L1TD1: variants seen among roughly 807,000 people sequenced by gnomAD.
The protein encoded by L1TD1 is LINE1 type transposase domain containing 1, also known as LINE-1 type transposase domain-containing protein 1.
Under a neutral mutation model 25.7 loss-of-function variants are expected in L1TD1, and 26 were observed. That is an observed-to-expected ratio of 1.01 (90% CI 0.74 to 1.40). The LOEUF is 1.40. L1TD1 is among the 40% of genes most tolerant of loss of function. L1TD1 has a pLI of 0.00. For missense variants in L1TD1, 1,130 were observed against 975.0 expected, an observed-to-expected ratio of 1.16 and a Z score of -2.12; for synonymous variants, 421 against 335.6, an observed-to-expected ratio of 1.25 and a Z score of -2.78.
chr1:62,204,602 C>T (rs1670699775), intron 2 of L1TD1, among the ~76,000 whole-genome samples: 2 of 152,142 alleles, frequency 1.3e-5, no homozygotes, highest in Admixed American at 1.3e-4. Context: ...CAGCGTCTCA[C>T]TATGTTGCCC....
chr1:62,211,510 TAC>T lies in L1TD1; in HGVS notation c.*140_*141del, dbSNP rs1483328678. The T allele has an allele frequency of 7.3e-5, 101 of 1,376,016 alleles. No homozygotes were observed. Among genetic ancestry groups the T allele is most frequent in the Non-Finnish European group, 9.3e-5 (96 of 1,033,036 alleles). The allele number at this position is 1,376,016 out of a possible 1,614,324, so 85.2% of individuals were successfully genotyped here. ...CTTGGGGATGAGGAGCAAGGAATATTACAGATATTACCTAGATGTTAATAAAG... is the reference window on the plus strand; with the variant it reads ...CTTGGGGATGAGGAGCAAGGAATATTAGATATTACCTAGATGTTAATAAAG... On this transcript the variant is annotated 3_prime_UTR_variant, in exon 4 of 4. Transcript: ENST00000498273.
intron 2 of L1TD1, among the ~76,000 whole-genome samples, chr1:62,197,653 C>T (rs1343724954): frequency 1.3e-5 from 2 of 151,712 alleles, no homozygotes; most frequent in African/African-American, 4.8e-5. Flanking sequence ...CCGAGGTGGG[C>T]GGATCACCTG....
intron 2 of L1TD1, among the ~76,000 whole-genome samples, chr1:62,205,435 A>ATTTTTTTTTTTTT (rs1220640977): frequency 4.2e-4 from 15 of 36,066 alleles, no homozygotes; most frequent in Non-Finnish European, 7.2e-4. Context: ...ATATATATAT[A>ATTTTTTTTTTTTT]TATATATATT....
At position 62,209,711 on chromosome 1, in the gene L1TD1, A is replaced by T. The variant is rs1392480799; in HGVS notation, c.1009-72A>T. 20 of 1,222,672 alleles carry T rather than the reference A, an allele frequency of 1.6e-5. No homozygotes were observed. In the South Asian group the frequency reaches 3.5e-4, roughly 21 times the overall value. The allele number at this position is 1,222,672 out of a possible 1,614,324, so 75.7% of individuals were successfully genotyped here. On this transcript the variant is annotated intron_variant, in intron 3 of 3. Coordinates refer to ENST00000498273, the MANE Select transcript of L1TD1 (RefSeq NM_019079.5). ...AGCCATATTAAAATTAGTGAAATTG[A>T]AATTTTAATTCTTTAAAAGACAAAT...
chr1:62,205,956 CCTG>C (rs1670736916), intron 2 of L1TD1, among the ~76,000 whole-genome samples: 1 of 152,018 alleles, frequency 6.6e-6, no homozygotes, highest in Admixed American at 6.6e-5. Flanking sequence ...GTCTCGAACT[CCTG>C]GGGTCAAGTG....
chr1:62,206,039 C>T (rs1438313826), intron 2 of L1TD1, among the ~76,000 whole-genome samples: 2 of 152,272 alleles, frequency 1.3e-5, no homozygotes, highest in South Asian at 4.1e-4. Flanking sequence ...CCAAGAAAGT[C>T]ATTTTGAATT....
chr1:62,197,317 G>T (rs1670560612), intron 2 of L1TD1, among the ~76,000 whole-genome samples: 1 of 150,416 alleles, frequency 6.6e-6, no homozygotes, highest in African/African-American at 2.5e-5. Context: ...AACCTGGGAG[G>T]TGGAGGTTGC....
At chr1:62,205,443 A>ATATATTTTTTTTT (rs1553122597) in intron 2 of L1TD1, among the ~76,000 whole-genome samples, 1 of 63,658 alleles carries the variant, frequency 1.6e-5, no homozygotes, top group East Asian at 4.1e-4. Context: ...ATATATATAT[A>ATATATTTTTTTTT]TTTTTTTTTA....
At position 62,211,540 on chromosome 1, in the gene L1TD1, T is replaced by C; in HGVS notation, c.*168T>C. 5 of 1,172,900 alleles carry C rather than the reference T, an allele frequency of 4.3e-6. No homozygotes were observed. The South Asian group carries it at 1.1e-4, about 25-fold the overall frequency. The allele number at this position is 1,172,900 out of a possible 1,614,324, so 72.7% of individuals were successfully genotyped here. A position where few individuals can be genotyped will look rare whatever the true frequency, so the allele number is the denominator to read the frequency against. On this transcript the variant is annotated 3_prime_UTR_variant, in exon 4 of 4. Transcript: ENST00000498273. ...ATATTACCTAGATGTTAATAAAGGG[T>C]ATGTTTAAAAAAAATAGGCTGGTCT...
chr1:62,197,254 G>C (rs1012871111), intron 2 of L1TD1, among the ~76,000 whole-genome samples: 2 of 151,374 alleles, frequency 1.3e-5, no homozygotes, highest in Non-Finnish European at 2.9e-5. Flanking sequence ...GGGCATGGTG[G>C]CACGCTCCTG....
Position 62,209,841 on chromosome 1 carries a change from G to A in L1TD1, c.1067G>A (p.Ser356Asn), listed in dbSNP as rs771064080. 3 of 1,613,690 alleles carry A rather than the reference G, an allele frequency of 1.9e-6. No homozygotes were observed. Among genetic ancestry groups the A allele is most frequent in the Non-Finnish European group, 2.5e-6 (3 of 1,179,884 alleles). ...GGAGAAATAACCAGTGATGGCTTGA[G>A]CTTCCTATTTCTTAAAGAAGTAAAA... Reference protein sequence around the residue: ...RAGEITSDGLSFLFLKEVKVA... With the variant: ...RAGEITSDGLNFLFLKEVKVA... The change falls in exon 4 of 4, where the codon AGC becomes AAC. Residue 356 changes from serine (S) to asparagine (N), a missense_variant. Physicochemically the swap from Ser to Asn is conservative, Grantham distance 46 (BLOSUM62 1). Transcript: ENST00000498273.
In L1TD1 at chr1:62,210,649, C is replaced by T; in HGVS notation, c.1875C>T (p.Ile625=). ...ENLRSSVINS[I]REIKEEIGNL... ...TGAGAAGTAGTGTGATTAATAGCAT[C>T]AGAGAGATAAAAGAGGAGATTGGAA... Residue 625 remains isoleucine (I), a synonymous_variant, in exon 4 of 4, where the codon ATC becomes ATT. Coordinates refer to ENST00000498273, the MANE Select transcript of L1TD1 (RefSeq NM_019079.5). The T allele has an allele frequency of 6.4e-7, 1 of 1,571,902 alleles. No homozygotes were observed. Among genetic ancestry groups the T allele is most frequent in the African/African-American group, 1.4e-5 (1 of 73,494 alleles).
intron 2 of L1TD1, among the ~76,000 whole-genome samples, chr1:62,196,817 C>T (rs976131762): frequency 3.9e-5 from 6 of 151,958 alleles, no homozygotes; most frequent in Non-Finnish European, 8.8e-5. Context: ...GTCTCGAGCT[C>T]CTGACCTCAG....
rs1379083253 is a variant in L1TD1 at position 62,211,050 on chromosome 1, A to G, written c.2276A>G (p.His759Arg). ...GATGAAAAGAGACTGACTCCTAGAC[A>G]CATCTTGGTGAAATTTTGGAATTCT... ...KIDEKRLTPR[H>R]ILVKFWNSSD... Residue 759 changes from histidine to arginine, a missense_variant, in exon 4 of 4, where the codon CAC (histidine) becomes CGC (arginine). Physicochemically the swap from His to Arg is conservative, Grantham distance 29. Coordinates refer to ENST00000498273, the MANE Select transcript of L1TD1 (RefSeq NM_019079.5). 6.4e-7 allele frequency: 1 copy of G among 1,551,060 alleles called. No individual in the cohort carries two copies. The highest frequency in any genetic ancestry group is 1.2e-5 in the South Asian group (1 of 83,826).
chr1:62,208,613 G>A (rs1458650655), intron 3 of L1TD1, among the ~76,000 whole-genome samples: 1 of 151,672 alleles, frequency 6.6e-6, no homozygotes, highest in Non-Finnish European at 1.5e-5. Flanking sequence ...CTGATAGCTG[G>A]GACCACATGC....
Position 62,211,157 on chromosome 1 carries a change from G to C in L1TD1, c.2383G>C (p.Asp795His). 6.4e-7 allele frequency: 1 copy of C among 1,550,684 alleles called. No homozygotes were observed. Among genetic ancestry groups the C allele is most frequent in the Non-Finnish European group, 8.7e-7 (1 of 1,146,768 alleles). ...AGGAACAAGAATCAGGTTGACAGCA[G>C]ACTTATCACTGGACACACTGGATGC... ...YQGTRIRLTA[D>H]LSLDTLDARS... Residue 795 changes from aspartate to histidine, a missense_variant, in exon 4 of 4, where the codon GAC (aspartate) becomes CAC (histidine). Asp to His is a moderately conservative substitution (Grantham distance 81, BLOSUM62 -1). Coordinates refer to ENST00000498273, the MANE Select transcript of L1TD1 (RefSeq NM_019079.5).
rs1473902649 is a variant in L1TD1, at chr1:62,206,632, T to A, written c.4T>A (p.Ser2Thr). 14 of 1,510,828 alleles carry A rather than the reference T, an allele frequency of 9.3e-6. No homozygotes were observed. Among genetic ancestry groups the A allele is most frequent in the Admixed American group, 7.1e-5 (3 of 42,208 alleles). 93.6% of individuals were successfully genotyped at this position (1,510,828 alleles called of 1,614,324 possible). The change falls in exon 3 of 4, where the codon TCT (serine) becomes ACT (threonine). Residue 2 changes from serine (S) to threonine (T), a missense_variant. Physicochemically the swap from Ser to Thr is moderately conservative, Grantham distance 58 (BLOSUM62 1). Coordinates refer to ENST00000498273, the MANE Select transcript of L1TD1 (RefSeq NM_019079.5). Reference protein sequence around the residue: MSDVSTSVQSKF... With the variant: MTDVSTSVQSKF... ...CAGTCTTGACAACATATCCACAATG[T>A]CTGATGTATCTACTAGTGTACAATC...
intron 2 of L1TD1, among the ~76,000 whole-genome samples, chr1:62,198,902 A>G (rs868273711): frequency 8.5e-5 from 13 of 152,094 alleles, no homozygotes; most frequent in Middle Eastern, 3.4e-3. Flanking sequence ...CAGTGATGCA[A>G]TCATAGCTTA....
chr1:62,204,859 C>G (rs1222734674), intron 2 of L1TD1, among the ~76,000 whole-genome samples: 1 of 152,162 alleles, frequency 6.6e-6, no homozygotes, highest in Non-Finnish European at 1.5e-5. Context: ...ACTGCATCCT[C>G]TGCCTCCCTC....
Sources: gnomAD v4.1 joint callset for allele counts (sites outside exome capture counted in the v4.1 genomes callset) on GRCh38, gnomAD v4.1.1 for gene constraint, MANE v1.5 for transcripts, NCBI Gene and HGNC (gene_info 2026-07-23, HGNC 2026-07-21) for gene names.